Variants in CHST11 observed in about 807,000 individuals in gnomAD.
The protein encoded by CHST11 is C4S-1.
CHST11 carries 9 observed loss-of-function variants against 30.4 expected under a neutral mutation model. The ratio of observed to expected loss-of-function variants is 0.30; its 90% CI spans 0.18 to 0.52. The LOEUF (loss-of-function observed/expected upper bound fraction) is 0.52. Among genes scored for constraint, CHST11 ranks in the 20% least tolerant of loss-of-function variants. CHST11 has a pLI of 0.97. For missense variants in CHST11, 348 were observed against 460.6 expected, an observed-to-expected ratio of 0.76 and a Z score of 2.24; for synonymous variants, 152 against 187.8, an observed-to-expected ratio of 0.81 and a Z score of 1.56.
chr12:104,585,854 A>C (rs1452123536), intron 1 of CHST11, among the ~76,000 whole-genome samples: 1 of 151,950 alleles, frequency 6.6e-6, no homozygotes, highest in African/African-American at 2.4e-5. Context: ...GGCTCCCAGC[A>C]ATCCTAGGCA....
chr12:104,646,387 A>G (rs1566021500), intron 2 of CHST11, among the ~76,000 whole-genome samples: 1 of 152,140 alleles, frequency 6.6e-6, no homozygotes, highest in Admixed American at 6.5e-5. Context: ...TAACCTCCCT[A>G]AACTGATTTC....
intron 1 of CHST11, among the ~76,000 whole-genome samples, chr12:104,578,956 T>A (rs2038711624): frequency 6.6e-6 from 1 of 152,204 alleles, no homozygotes. Context: ...AAAATGTTTG[T>A]TGAGGGCCTA....
chr12:104,674,306 C>T (rs931805037), intron 2 of CHST11, among the ~76,000 whole-genome samples: 1 of 152,154 alleles, frequency 6.6e-6, no homozygotes, highest in Non-Finnish European at 1.5e-5. Context: ...ACTAATTCTA[C>T]GACAACCAGT....
chr12:104,581,624 G>A lies in CHST11; in HGVS notation c.119-20282G>A, dbSNP rs184151743. Among the ~76,000 whole-genome samples the A allele has an allele frequency of 3.3e-5, 5 of 152,242 alleles. No homozygotes were observed. In the East Asian group the frequency reaches 7.7e-4, roughly 24 times the overall value. Reference sequence around the variant, plus strand: ...AGTTATTTGGTGGGCAGGAGGGTGGGGAGGGTCTTTCTGGGTACTGCTGAA... The same window carrying A: ...AGTTATTTGGTGGGCAGGAGGGTGGAGAGGGTCTTTCTGGGTACTGCTGAA... On this transcript the variant is annotated intron_variant, in intron 1 of 2. Transcript: ENST00000303694.
chr12:104,617,150 G>A (rs2039115698), intron 2 of CHST11, among the ~76,000 whole-genome samples: 1 of 152,160 alleles, frequency 6.6e-6, no homozygotes. Flanking sequence ...CATTGAACGG[G>A]TGCCTTTAGA....
chr12:104,468,099 A>G (rs2037475191), intron 1 of CHST11, among the ~76,000 whole-genome samples: 1 of 151,220 alleles, frequency 6.6e-6, no homozygotes, highest in Admixed American at 6.6e-5. Flanking sequence ...ATTATAGAGT[A>G]TGTTGGAAGG....
At chr12:104,488,571 GTA>G (rs973411843) in intron 1 of CHST11, among the ~76,000 whole-genome samples, 23 of 133,308 alleles carry the variant, frequency 1.7e-4, no homozygotes, top group Non-Finnish European at 2.2e-4. Flanking sequence ...GTATGCGTGT[GTA>G]TGTGTGTGTA....
chr12:104,466,386 C>T lies in CHST11; in HGVS notation c.118+8857C>T, dbSNP rs1490324225. ...GGTGCTACACCCTCTGATACTGTGT[C>T]TGGAACTATTGAGTTCAAGAACAAA... is the stretch of plus-strand genomic sequence containing the variant. On this transcript the variant is annotated intron_variant, in intron 1 of 2. Transcript: ENST00000303694. Among the ~76,000 whole-genome samples the T allele has an allele frequency of 3.9e-5, 6 of 152,314 alleles. No individual in the cohort carries two copies. The East Asian group carries it at 1.2e-3, about 29-fold the overall frequency.
chr12:104,599,708 G>C (rs993376351), intron 1 of CHST11, among the ~76,000 whole-genome samples: 1 of 152,158 alleles, frequency 6.6e-6, no homozygotes, highest in African/African-American at 2.4e-5. Context: ...CTCCTCCCCA[G>C]GGAAGACTGT....
At chr12:104,741,228 T>C (rs1389737970) in intron 2 of CHST11, among the ~76,000 whole-genome samples, 1 of 152,154 alleles carries the variant, frequency 6.6e-6, no homozygotes, top group Non-Finnish European at 1.5e-5. Context: ...AATGGCTCCG[T>C]TGGGGCCCCA....
At chr12:104,506,088 A>T (rs2037901609) in intron 1 of CHST11, among the ~76,000 whole-genome samples, 1 of 152,204 alleles carries the variant, frequency 6.6e-6, no homozygotes. Flanking sequence ...TTCTCCACTC[A>T]CTCAACAAAA....
At position 104,686,232 on chromosome 12, in the gene CHST11, T is replaced by TAA. The variant is rs55789725; in HGVS notation, c.205-70701_205-70700dup. Among the ~76,000 whole-genome samples the TAA allele has an allele frequency of 8.6e-3, 854 of 99,126 alleles. 27 individuals carry two copies. Among genetic ancestry groups the TAA allele is most frequent in the African/African-American group, 0.028 (820 of 29,682 alleles). 65.0% of individuals were successfully genotyped at this position (99,126 alleles called of 152,430 possible). On this transcript the variant is annotated intron_variant, in intron 2 of 2. Coordinates refer to ENST00000303694, the MANE Select transcript of CHST11 (RefSeq NM_018413.6). The stretch of plus-strand genomic sequence containing the variant: ...GATCACAAAGGGAGAACTCACCTCT[T>TAA]AAAAAAAAAAAAAAAAAGACAACAT...
chr12:104,594,171 AG>A (rs1301023780), intron 1 of CHST11, among the ~76,000 whole-genome samples: 1 of 152,148 alleles, frequency 6.6e-6, no homozygotes, highest in Non-Finnish European at 1.5e-5. Context: ...CTGGCAGGTG[AG>A]GGGCTTGGCC....
intron 1 of CHST11, among the ~76,000 whole-genome samples, chr12:104,589,933 C>A (rs978862615): frequency 6.6e-6 from 1 of 151,970 alleles, no homozygotes; most frequent in African/African-American, 2.4e-5. Flanking sequence ...TGCTTGAATC[C>A]GGGAGGAGGA....
At chr12:104,732,920 A>G (rs1034367518) in intron 2 of CHST11, among the ~76,000 whole-genome samples, 3 of 152,360 alleles carry the variant, frequency 2.0e-5, no homozygotes, top group Non-Finnish European at 4.4e-5. Context: ...TTAAGCACTT[A>G]TTTCCTTACA....
At chr12:104,692,486 A>G (rs936204459) in intron 2 of CHST11, among the ~76,000 whole-genome samples, 1 of 152,204 alleles carries the variant, frequency 6.6e-6, no homozygotes, top group African/African-American at 2.4e-5. Context: ...AACTGTTGTT[A>G]TTTTACAGAG....
intron 1 of CHST11, among the ~76,000 whole-genome samples, chr12:104,564,778 A>C (rs994056794): frequency 1.3e-5 from 2 of 152,214 alleles, no homozygotes; most frequent in East Asian, 3.8e-4. Flanking sequence ...AAAGAAAATG[A>C]GATTTAATGG....
At chr12:104,619,554 C>T (rs2039140914) in intron 2 of CHST11, among the ~76,000 whole-genome samples, 1 of 152,142 alleles carries the variant, frequency 6.6e-6, no homozygotes, top group Non-Finnish European at 1.5e-5. Context: ...TAAGCCCCAA[C>T]CAAGAGTTGG....
chr12:104,729,959 C>A lies in CHST11; in HGVS notation c.205-26990C>A, dbSNP rs1487045400. 6.6e-6 allele frequency among the ~76,000 whole-genome samples: 1 copy of A among 152,202 alleles called. No homozygotes were observed. Among genetic ancestry groups the A allele is most frequent in the African/African-American group, 2.4e-5 (1 of 41,438 alleles). ...TTTTGCACTTTCTGTTTCCTGATCT[C>A]ACCTGTCCCAGGACTTGGGGCTCTA... On this transcript the variant is annotated intron_variant, in intron 2 of 2. Coordinates refer to ENST00000303694, the MANE Select transcript of CHST11 (RefSeq NM_018413.6). This position sits in a 1 kb window ranked among gnomAD's most constrained non-coding sequence, Gnocchi z 4.0.
Sources: gnomAD v4.1 joint callset for allele counts (sites outside exome capture counted in the v4.1 genomes callset) on GRCh38, gnomAD v4.1.1 for gene constraint, Gnocchi (gnomAD v3.1) non-coding constraint, MANE v1.5 for transcripts, NCBI Gene and HGNC (gene_info 2026-07-23, HGNC 2026-07-21) for gene names.